The following SGCZ variants were observed in gnomAD, a reference collection of about 807,000 sequenced individuals.
SGCZ encodes the protein zeta-sarcoglycan.
In SGCZ, 40 loss-of-function variants were observed where a neutral mutation model predicts 41.3. The ratio of observed to expected loss-of-function variants is 0.97; its 90% CI spans 0.75 to 1.26. SGCZ has a LOEUF of 1.26. SGCZ is among the 50% of genes most tolerant of loss of function. SGCZ has a pLI of 0.00. For synonymous variants in SGCZ, 206 were observed against 137.5 expected, an observed-to-expected ratio of 1.50 and a Z score of -3.49; for missense variants, 552 against 369.8, an observed-to-expected ratio of 1.49 and a Z score of -4.04.
chr8:14,654,917 A>C (rs2117465796), intron 1 of SGCZ, among the ~76,000 whole-genome samples: 1 of 152,054 alleles, frequency 6.6e-6, no homozygotes, highest in African/African-American at 2.4e-5. Context: ...TATTTTTCTC[A>C]GCCTCCCAAA....
intron 1 of SGCZ, among the ~76,000 whole-genome samples, chr8:14,653,994 A>G (rs536035057): frequency 2.6e-4 from 40 of 152,240 alleles, no homozygotes; most frequent in Admixed American, 2.2e-3. Context: ...TGCTTGCTCA[A>G]TTGAATTTCT....
intron 4 of SGCZ, among the ~76,000 whole-genome samples, chr8:14,229,357 A>G (rs1317962090): frequency 6.6e-6 from 1 of 152,064 alleles, no homozygotes; most frequent in African/African-American, 2.4e-5. Context: ...ATTACACCTG[A>G]GTTACAAAGA....
intron 5 of SGCZ, 69 bp downstream of exon 5, chr8:14,164,511 G>A: frequency 6.3e-7 from 1 of 1,576,460 alleles, no homozygotes; most frequent in Non-Finnish European, 8.7e-7. Flanking sequence ...ATCTTATTAA[G>A]AAGCTCCTTG....
At position 14,560,637 on chromosome 8, in the gene SGCZ, CA is replaced by C. The variant is rs914084123; in HGVS notation, c.40-5712del. ...TATTTTCTAGAATGTTCTATTTCTA[CA>C]AATTATATTTCAATATGAAGGTGAA... On this transcript the variant is annotated intron_variant, in intron 1 of 7. Transcript: ENST00000382080. Among the ~76,000 whole-genome samples, 2 of 151,978 alleles carry C rather than the reference CA, an allele frequency of 1.3e-5. 1 individual carries two copies. The highest frequency in any genetic ancestry group is 4.8e-5 in the African/African-American group (2 of 41,376).
At chr8:14,241,734 GA>G (rs1477783919) in intron 3 of SGCZ, among the ~76,000 whole-genome samples, 2 of 152,020 alleles carry the variant, frequency 1.3e-5, no homozygotes, top group African/African-American at 2.4e-5. Context: ...GATCCAGTTA[GA>G]AAGGCAACGA....
chr8:14,219,863 G>C (rs1427821624), intron 4 of SGCZ, among the ~76,000 whole-genome samples: 1 of 142,596 alleles, frequency 7.0e-6, no homozygotes, highest in African/African-American at 2.6e-5. Flanking sequence ...TTTCTTGTAG[G>C]GAAAACGTTT....
chr8:14,113,667 C>T (rs528985138), intron 5 of SGCZ, among the ~76,000 whole-genome samples: 4 of 152,102 alleles, frequency 2.6e-5, no homozygotes, highest in East Asian at 1.9e-4. Context: ...TACTTGTTTC[C>T]ACAGCTTCAA....
chr8:14,093,646 A>G (rs1198606915), intron 7 of SGCZ, among the ~76,000 whole-genome samples: 1 of 151,954 alleles, frequency 6.6e-6, no homozygotes, highest in Admixed American at 6.6e-5. Flanking sequence ...CACTTTTTTG[A>G]TGCTTTTTAA....
intron 4 of SGCZ, among the ~76,000 whole-genome samples, chr8:14,212,371 G>C (rs1382811744): frequency 6.8e-6 from 1 of 148,140 alleles, no homozygotes; most frequent in Non-Finnish European, 1.5e-5. Flanking sequence ...AAAGTTTTTT[G>C]TTTTCTCACG....
chr8:14,755,973 T>C (rs901750776), intron 1 of SGCZ, among the ~76,000 whole-genome samples: 2 of 152,102 alleles, frequency 1.3e-5, no homozygotes, highest in Non-Finnish European at 2.9e-5. Flanking sequence ...AAATATGTAG[T>C]TCATAGGAAA....
At chr8:14,911,630 T>C (rs1023413530) in intron 1 of SGCZ, among the ~76,000 whole-genome samples, 1 of 152,000 alleles carries the variant, frequency 6.6e-6, no homozygotes, top group South Asian at 2.1e-4. Context: ...AAAATCTGGC[T>C]GCAGAGTGCT....
At chr8:14,614,508 C>T (rs535833955) in intron 1 of SGCZ, among the ~76,000 whole-genome samples, 1 of 152,000 alleles carries the variant, frequency 6.6e-6, no homozygotes, top group East Asian at 1.9e-4. Context: ...ATATTTGTAG[C>T]CTTTTATCTT....
intron 1 of SGCZ, among the ~76,000 whole-genome samples, chr8:15,123,117 T>C (rs1807550821): frequency 6.6e-6 from 1 of 152,186 alleles, no homozygotes; most frequent in South Asian, 2.1e-4. Flanking sequence ...TCTGCTGTTA[T>C]AAAGGGCTCA....
intron 1 of SGCZ, among the ~76,000 whole-genome samples, chr8:14,633,038 G>T (rs1806710829): frequency 6.6e-6 from 1 of 151,908 alleles, no homozygotes; most frequent in Non-Finnish European, 1.5e-5. Context: ...GTAGAGAAGT[G>T]ATTGAATTAC....
At chr8:14,502,529 TAGTG>T (rs1444965360) in intron 2 of SGCZ, among the ~76,000 whole-genome samples, 1 of 151,962 alleles carries the variant, frequency 6.6e-6, no homozygotes, top group Non-Finnish European at 1.5e-5. Context: ...CTGCTAATAA[TAGTG>T]AGAAAATTTT....
At chr8:14,671,166 C>G (rs1433960967) in intron 1 of SGCZ, among the ~76,000 whole-genome samples, 1 of 152,150 alleles carries the variant, frequency 6.6e-6, no homozygotes, top group East Asian at 1.9e-4. Flanking sequence ...TTATAGAACC[C>G]ATTTCTTTTG....
intron 2 of SGCZ, among the ~76,000 whole-genome samples, chr8:14,410,717 G>A (rs1799337232): frequency 6.6e-6 from 1 of 152,174 alleles, no homozygotes; most frequent in South Asian, 2.1e-4. Flanking sequence ...CATGGCACAT[G>A]TATGCCTGTG....
At chr8:14,399,522 A>G (rs1439131234) in intron 2 of SGCZ, among the ~76,000 whole-genome samples, 1 of 151,892 alleles carries the variant, frequency 6.6e-6, no homozygotes, top group Non-Finnish European at 1.5e-5. Flanking sequence ...GATTTGTTAA[A>G]GAAAAAAAAG....
At chr8:14,639,908 T>C (rs1028788887) in intron 1 of SGCZ, among the ~76,000 whole-genome samples, 2 of 151,712 alleles carry the variant, frequency 1.3e-5, no homozygotes, top group African/African-American at 4.8e-5. Flanking sequence ...AGATACTCTC[T>C]ACTCCTTGGA....
Sources: gnomAD v4.1 joint callset for allele counts (sites outside exome capture counted in the v4.1 genomes callset) on GRCh38, gnomAD v4.1.1 for gene constraint, MANE v1.5 for transcripts, NCBI Gene and HGNC (gene_info 2026-07-23, HGNC 2026-07-21) for gene names.